Variants in HIF3A observed in about 807,000 individuals in gnomAD.
HIF3A encodes hypoxia inducible factor 3 subunit alpha, also known as hypoxia-inducible factor 3-alpha.
Under a neutral mutation model 67.2 loss-of-function variants are expected in HIF3A, and 41 were observed. The ratio of observed to expected loss-of-function variants is 0.61; its 90% confidence interval spans 0.48 to 0.79. The LOEUF (loss-of-function observed/expected upper bound fraction) is 0.79, where lower values mean the gene tolerates loss of function less well. HIF3A is among the 30% of genes least tolerant of loss of function. The pLI is 0.00. For missense variants in HIF3A, 855 were observed against 898.0 expected (o/e 0.95, Z 0.61); for synonymous variants, 356 against 374.8 (o/e 0.95, Z 0.58).
At position 46,339,967 on chromosome 19, in the gene HIF3A, G is replaced by T. The variant is rs76868440; in HGVS notation, c.*345G>T. The T allele has an allele frequency of 1.4e-4, 34 of 246,478 alleles. No homozygotes were observed. The highest frequency in any genetic ancestry group is 2.5e-4 in the Non-Finnish European group (32 of 129,836). 15.3% of individuals were successfully genotyped at this position (246,478 alleles called of 1,614,324 possible). On this transcript the variant is annotated 3_prime_UTR_variant, in exon 15 of 15. Transcript: ENST00000377670. ...GGGGAATCAGGGGTGAGGAGGGTTGGGGGGGTCATATCTGTGTTTCCAGGT... is the reference window on the plus strand; with the variant it reads ...GGGGAATCAGGGGTGAGGAGGGTTGTGGGGGTCATATCTGTGTTTCCAGGT...
chr19:46,311,466 A>G (rs1246121212), intron 6 of HIF3A, among the ~76,000 whole-genome samples: 1 of 152,186 alleles, frequency 6.6e-6, no homozygotes, highest in East Asian at 1.9e-4. Flanking sequence ...TACAGGCCAA[A>G]TTAAGGCTGT....
chr19:46,332,539 C>G (rs550696267), intron 13 of HIF3A, among the ~76,000 whole-genome samples: 2 of 152,064 alleles, frequency 1.3e-5, no homozygotes, highest in Non-Finnish European at 2.9e-5. Flanking sequence ...GACGCTGTCT[C>G]AAAAAAATAA....
chr19:46,329,141 G>C lies in HIF3A; in HGVS notation c.1441-66G>C, dbSNP rs920767022. The C allele has an allele frequency of 3.1e-5, 45 of 1,446,436 alleles. No homozygotes were observed. The African/African-American group carries it at 5.9e-4, about 19-fold the overall frequency. 89.6% of individuals were successfully genotyped at this position (1,446,436 alleles called of 1,614,324 possible). On this transcript the variant is annotated intron_variant, in intron 11 of 14. Coordinates refer to ENST00000377670, the MANE Select transcript of HIF3A (RefSeq NM_152795.4). Reference sequence around the variant, plus strand: ...CACAGAACTCAGAAGTGATGGTGCTGGGACTTCAGCCAAGGTCCACCCAAG... The same window carrying C: ...CACAGAACTCAGAAGTGATGGTGCTCGGACTTCAGCCAAGGTCCACCCAAG...
intron 1 of HIF3A, among the ~76,000 whole-genome samples, chr19:46,303,375 C>T (rs570846686): frequency 6.6e-6 from 1 of 152,276 alleles, no homozygotes; most frequent in South Asian, 2.1e-4. Context: ...GGTGGTTCAT[C>T]GTTAGACTTT....
At chr19:46,309,915 C>T (rs755431163) in intron 6 of HIF3A, among the ~76,000 whole-genome samples, 3 of 151,660 alleles carry the variant, frequency 2.0e-5, no homozygotes, top group Non-Finnish European at 4.4e-5. Flanking sequence ...AGGGAGACCC[C>T]GTCTCTACAA....
chr19:46,304,559 T>G (rs1419844120), intron 2 of HIF3A, among the ~76,000 whole-genome samples: 1 of 152,068 alleles, frequency 6.6e-6, no homozygotes, highest in Non-Finnish European at 1.5e-5. Flanking sequence ...GTTCTCTTAG[T>G]AGGCATCTCC....
intron 1 of HIF3A, among the ~76,000 whole-genome samples, chr19:46,302,110 G>A (rs1648163042): frequency 6.6e-6 from 1 of 151,428 alleles, no homozygotes; most frequent in African/African-American, 2.4e-5. Flanking sequence ...TTGTTAATTT[G>A]TTTTTTGTCT....
At chr19:46,309,858 G>A (rs937382309) in intron 6 of HIF3A, among the ~76,000 whole-genome samples, 6 of 152,012 alleles carry the variant, frequency 3.9e-5, no homozygotes, top group African/African-American at 7.2e-5. Flanking sequence ...AGGCCGATGC[G>A]GGAGAATTGC....
chr19:46,333,770 CCTTT>C (rs1971406921), intron 13 of HIF3A, among the ~76,000 whole-genome samples: 1 of 148,018 alleles, frequency 6.8e-6, no homozygotes, highest in Admixed American at 6.7e-5. Flanking sequence ...CTTTTCCTTT[CCTTT>C]CTTTTCTTTC....
intron 3 of HIF3A, among the ~76,000 whole-genome samples, chr19:46,307,411 G>C (rs1196460635): frequency 6.6e-6 from 1 of 151,922 alleles, no homozygotes; most frequent in Non-Finnish European, 1.5e-5. Flanking sequence ...AGACCAGCCT[G>C]GGCAACATGG....
At chr19:46,320,608 T>C (rs1468764959) in intron 9 of HIF3A, 47 bp downstream of exon 9, 1 of 1,450,446 alleles carries the variant, frequency 6.9e-7, no homozygotes, top group Non-Finnish European at 9.6e-7. Context: ...CCCAGGGCCC[T>C]TGGGAGAAAG....
At chr19:46,306,937 G>A (rs562852733) in intron 3 of HIF3A, among the ~76,000 whole-genome samples, 10 of 152,240 alleles carry the variant, frequency 6.6e-5, no homozygotes, top group East Asian at 1.9e-4. Flanking sequence ...CCAGCACCAC[G>A]CTCATTTCCT....
chr19:46,329,203 G>A lies in HIF3A; in HGVS notation c.1441-4G>A, dbSNP rs375923179. 77 of 1,595,558 alleles carry A rather than the reference G, an allele frequency of 4.8e-5. No individual in the cohort carries two copies. Among genetic ancestry groups the A allele is most frequent in the Middle Eastern group, 3.3e-4 (2 of 5,988 alleles). ...TCCTCTTACCTCCCTCCTGCCCTCC[G>A]CAGGATGCTGATGCTCTGGATTTGG... On this transcript the variant is annotated splice_polypyrimidine_tract_variant and splice_region_variant and intron_variant, in intron 11 of 14. Coordinates refer to ENST00000377670, the MANE Select transcript of HIF3A (RefSeq NM_152795.4).
Position 46,341,623 on chromosome 19 carries a change from C to A in HIF3A, c.*2001C>A, listed in dbSNP as rs1409815108. 6.6e-6 allele frequency: 1 copy of A among 151,120 alleles called. No individual in the cohort carries two copies. Among genetic ancestry groups the A allele is most frequent in the African/African-American group, 2.4e-5 (1 of 40,978 alleles). The allele number at this position is 151,120 out of a possible 1,614,324, so 9.4% of individuals were successfully genotyped here. On this transcript the variant is annotated 3_prime_UTR_variant, in exon 15 of 15. Transcript: ENST00000377670. ...TACAGAGAGTTTGATGTGTTTATCT[C>A]TTTTTTCTTCCTCTTCTTTTTTTTT...
At chr19:46,313,170 G>C in intron 8 of HIF3A, 1 of 565,630 alleles carries the variant, frequency 1.8e-6, no homozygotes, top group Non-Finnish European at 2.2e-6. Flanking sequence ...AGAATCATTA[G>C]AACCCAGGTG....
chr19:46,310,754 T>TGTTG, intron 6 of HIF3A: 1 of 340,428 alleles, frequency 2.9e-6, no homozygotes. Flanking sequence ...ATCATTACTT[T>TGTTG]TTGTTGTTGT....
At chr19:46,303,785 G>C (rs1208285277) in intron 1 of HIF3A, 113 bp from the exon 2 acceptor site, 1 of 1,495,068 alleles carries the variant, frequency 6.7e-7, no homozygotes, top group East Asian at 2.4e-5. Flanking sequence ...CTGCGCAGCC[G>C]CGGCCCAGCA....
intron 3 of HIF3A, chr19:46,306,451 A>T (rs536240141): frequency 6.6e-6 from 1 of 152,332 alleles, no homozygotes; most frequent in South Asian, 2.1e-4. Context: ...ACATTTAGAA[A>T]GTAGAACTTA....
At chr19:46,338,184 G>T in intron 14 of HIF3A, 1 of 454,076 alleles carries the variant, frequency 2.2e-6, no homozygotes, top group South Asian at 1.6e-5. Flanking sequence ...CACAAAGTAG[G>T]TGCTCAGTAA....
Sources: allele counts gnomAD v4.1 joint callset (sites outside exome capture counted in the v4.1 genomes callset), GRCh38; gene constraint gnomAD v4.1.1; transcripts MANE v1.5; gene names NCBI Gene and HGNC (gene_info 2026-07-23, HGNC 2026-07-21).